Variants in CATSPERE observed in about 807,000 individuals in gnomAD.
The protein encoded by CATSPERE is catsper channel auxiliary subunit epsilon.
CATSPERE carries 93 observed loss-of-function variants against 114.1 expected under a neutral mutation model. The observed-to-expected ratio is 0.81, with a 90% CI of 0.69 to 0.97. The LOEUF (loss-of-function observed/expected upper bound fraction) is 0.97, where lower values mean the gene tolerates loss of function less well. Ranked by LOEUF, CATSPERE falls within the 50% of genes least tolerant of loss-of-function variation. CATSPERE has a pLI of 0.00. For missense variants in CATSPERE, 1,058 were observed against 1,131.6 expected (o/e 0.93, Z 0.93); for synonymous variants, 341 against 384.1 (o/e 0.89, Z 1.31).
intron 10 of CATSPERE, among the ~76,000 whole-genome samples, chr1:244,563,788 A>G (rs939480897): frequency 2.0e-5 from 3 of 152,034 alleles, no homozygotes; most frequent in Non-Finnish European, 4.4e-5. Context: ...GATTTTGGCT[A>G]TTGTTGCCGT....
chr1:244,594,151 C>G (rs1350186213), intron 17 of CATSPERE, among the ~76,000 whole-genome samples: 5 of 152,150 alleles, frequency 3.3e-5, no homozygotes, highest in Admixed American at 6.5e-5. Context: ...AAGACCCTGT[C>G]GTTACAAAAA....
At chr1:244,476,765 G>T (rs1180480814) in intron 2 of CATSPERE, among the ~76,000 whole-genome samples, 1 of 152,104 alleles carries the variant, frequency 6.6e-6, no homozygotes, top group Non-Finnish European at 1.5e-5. Flanking sequence ...TACTTCAGGA[G>T]GGGAAAGAAT....
rs1670193378 is a variant in CATSPERE, at chr1:244,607,800, T to C, written c.2403+2006T>C. 6.6e-6 allele frequency among the ~76,000 whole-genome samples: 1 copy of C among 152,236 alleles called. No individual in the cohort carries two copies. The highest frequency in any genetic ancestry group is 2.4e-5 in the African/African-American group (1 of 41,468). On this transcript the variant is annotated intron_variant, in intron 18 of 21. Transcript: ENST00000366534. The surrounding 1 kb of genome is among the most constrained non-coding windows in gnomAD (Gnocchi z 4.4). ...ACCATCTAACCAGGGACATCTGCAC[T>C]GGGCTATATGTGATCAAGAATTAAA...
At chr1:244,485,224 C>G (rs1262253575) in intron 5 of CATSPERE, among the ~76,000 whole-genome samples, 3 of 151,556 alleles carry the variant, frequency 2.0e-5, no homozygotes, top group African/African-American at 7.3e-5. Flanking sequence ...CTCTGTTGCC[C>G]AGGCTGGAGA....
At chr1:244,531,696 A>G (rs1387367887) in intron 8 of CATSPERE, among the ~76,000 whole-genome samples, 1 of 152,156 alleles carries the variant, frequency 6.6e-6, no homozygotes, top group Non-Finnish European at 1.5e-5. Flanking sequence ...GTCATAATGA[A>G]TGATATTTCT....
At chr1:244,567,338 C>T (rs1050595390) in intron 10 of CATSPERE, among the ~76,000 whole-genome samples, 5 of 152,042 alleles carry the variant, frequency 3.3e-5, no homozygotes, top group East Asian at 3.9e-4. Context: ...GGTTGCTCTT[C>T]GCGAGGAGTA....
intron 20 of CATSPERE, among the ~76,000 whole-genome samples, chr1:244,621,133 A>ATT (rs1672170341): frequency 2.9e-5 from 1 of 34,476 alleles, no homozygotes; most frequent in Non-Finnish European, 6.0e-5. Flanking sequence ...ATATAAATAT[A>ATT]TATAAAATAT....
At position 244,455,959 on chromosome 1, in the gene CATSPERE, A is replaced by G. The variant is rs115904645; in HGVS notation, n.237+1346A>G. On this transcript the variant is annotated intron_variant and non_coding_transcript_variant, in intron 1 of 15. Transcript: ENST00000473875. The stretch of plus-strand genomic sequence containing the variant: ...TCATTCTGAGAGAGCTTTGGTGTAT[A>G]ACAACTAGGTAGGAAATATACTTTA... Among the ~76,000 whole-genome samples, 1,155 of 152,330 alleles carry G rather than the reference A, an allele frequency of 7.6e-3. 11 individuals carry two copies. Among genetic ancestry groups the G allele is most frequent in the African/African-American group, 0.013 (553 of 41,582 alleles).
At chr1:244,539,464 G>T (rs1658233688) in intron 8 of CATSPERE, among the ~76,000 whole-genome samples, 2 of 134,434 alleles carry the variant, frequency 1.5e-5, no homozygotes, top group Non-Finnish European at 1.6e-5. Flanking sequence ...CCCGCCTTTG[G>T]TATCAGAATG....
At chr1:244,506,418 G>C (rs777617483) in intron 7 of CATSPERE, among the ~76,000 whole-genome samples, 1 of 152,124 alleles carries the variant, frequency 6.6e-6, no homozygotes, top group Non-Finnish European at 1.5e-5. Context: ...CCCAGAAATG[G>C]AACTGCTAGA....
At chr1:244,456,814 G>C (rs924652817), upstream of CATSPERE, among the ~76,000 whole-genome samples, 1 of 152,140 alleles carries the variant, frequency 6.6e-6, no homozygotes, top group Non-Finnish European at 1.5e-5. Flanking sequence ...TCCATCCCTA[G>C]TATTAACTCA....
At chr1:244,560,539 G>A (rs924372678) in intron 9 of CATSPERE, 129 bp from the exon 10 acceptor site, 2 of 495,060 alleles carry the variant, frequency 4.0e-6, no homozygotes, top group African/African-American at 4.0e-5. Context: ...AACACCACCT[G>A]TTCCCCAAAA....
intron 8 of CATSPERE, among the ~76,000 whole-genome samples, chr1:244,519,023 C>A (rs1677088280): frequency 6.6e-6 from 1 of 151,846 alleles, no homozygotes; most frequent in Admixed American, 6.6e-5. Flanking sequence ...CGTACACACA[C>A]ATACACACAC....
chr1:244,489,755 A>G (rs1671667841), intron 5 of CATSPERE, among the ~76,000 whole-genome samples: 3 of 151,976 alleles, frequency 2.0e-5, no homozygotes, highest in Non-Finnish European at 4.4e-5. Flanking sequence ...AAGGGAGAAA[A>G]CTTTAACTGC....
At chr1:244,499,974 G>C (rs145697803) in intron 7 of CATSPERE, among the ~76,000 whole-genome samples, 1,958 of 152,208 alleles carry the variant, frequency 0.013, 34 homozygotes, top group South Asian at 0.052. Flanking sequence ...GTGTAAAAAC[G>C]TTCCTATTTC....
rs149352325 is a variant in CATSPERE at position 244,515,112 on chromosome 1, A to C, written c.430-3480A>C. Among the ~76,000 whole-genome samples, 768 of 152,334 alleles carry C rather than the reference A, an allele frequency of 5.0e-3. 7 individuals are homozygous for C. The highest frequency in any genetic ancestry group is 0.017 in the African/African-American group (724 of 41,572). On this transcript the variant is annotated intron_variant, in intron 7 of 21. Coordinates refer to ENST00000366534, the MANE Select transcript of CATSPERE (RefSeq NM_001130957.2). Reference sequence around the variant, plus strand: ...ATCTAACTTATTTTCCAAAGCATACAATGCTTAGCATGATGTAGCCCTTGC... The same window carrying C: ...ATCTAACTTATTTTCCAAAGCATACCATGCTTAGCATGATGTAGCCCTTGC...
At chr1:244,466,554 T>C (rs1667630924) in intron 2 of CATSPERE, among the ~76,000 whole-genome samples, 1 of 152,126 alleles carries the variant, frequency 6.6e-6, no homozygotes, top group African/African-American at 2.4e-5. Flanking sequence ...TGTTAAACAC[T>C]TGTCATATTA....
chr1:244,598,849 C>A (rs575551780), intron 17 of CATSPERE, among the ~76,000 whole-genome samples: 1 of 151,986 alleles, frequency 6.6e-6, no homozygotes, highest in Non-Finnish European at 1.5e-5. Context: ...ATGTCATCAT[C>A]CAGTCACATG....
chr1:244,625,551 C>T (rs1260662851), intron 20 of CATSPERE, among the ~76,000 whole-genome samples: 6 of 147,832 alleles, frequency 4.1e-5, no homozygotes, highest in Non-Finnish European at 9.0e-5. Context: ...GCCTCAGCCT[C>T]CCGAGTAGCT....
Sources: gnomAD v4.1 joint callset for allele counts (sites outside exome capture counted in the v4.1 genomes callset) on GRCh38, gnomAD v4.1.1 for gene constraint, Gnocchi (gnomAD v3.1) non-coding constraint, MANE v1.5 for transcripts, NCBI Gene and HGNC (gene_info 2026-07-23, HGNC 2026-07-21) for gene names.